Variants in SYT9 observed in about 807,000 individuals in gnomAD.
SYT9 encodes synaptotagmin-9.
SYT9 carries 22 observed loss-of-function variants against 48.4 expected under a neutral mutation model. The observed-to-expected ratio is 0.45, with a 90% CI of 0.32 to 0.65. The LOEUF (loss-of-function observed/expected upper bound fraction) is 0.65, where lower values mean the gene tolerates loss of function less well. Among genes scored for constraint, SYT9 ranks in the 30% least tolerant of loss-of-function variants. SYT9 has a pLI of 0.03. For synonymous variants in SYT9, 265 were observed against 245.0 expected (o/e 1.08, Z -0.76); for missense variants, 577 against 622.0 (o/e 0.93, Z 0.77).
At chr11:7,443,172 C>T (rs1263707640) in intron 6 of SYT9, among the ~76,000 whole-genome samples, 1 of 152,136 alleles carries the variant, frequency 6.6e-6, no homozygotes, top group Non-Finnish European at 1.5e-5. Flanking sequence ...CCTGGCCTCC[C>T]CTTTGGAAGT....
chr11:7,340,712 C>G (rs900875586), intron 3 of SYT9, among the ~76,000 whole-genome samples: 1 of 152,176 alleles, frequency 6.6e-6, no homozygotes, highest in Non-Finnish European at 1.5e-5. Flanking sequence ...CTGGAGACAG[C>G]AAGGGTGATG....
intron 3 of SYT9, among the ~76,000 whole-genome samples, chr11:7,328,213 G>A (rs1024943993): frequency 1.3e-4 from 19 of 151,360 alleles, no homozygotes; most frequent in African/African-American, 4.4e-4. Flanking sequence ...AGTATAGCTG[G>A]ATTTTTTTTA....
intron 3 of SYT9, among the ~76,000 whole-genome samples, chr11:7,356,508 G>A (rs962601417): frequency 2.0e-5 from 3 of 152,140 alleles, no homozygotes; most frequent in Non-Finnish European, 4.4e-5. Context: ...GAGCCCTCCA[G>A]GGAGGGAAGA....
At chr11:7,323,989 G>C (rs1326349855) in intron 3 of SYT9, among the ~76,000 whole-genome samples, 1 of 151,744 alleles carries the variant, frequency 6.6e-6, no homozygotes, top group Non-Finnish European at 1.5e-5. Flanking sequence ...TAAAGATTTT[G>C]TGTCATTTTG....
chr11:7,321,224 T>C (rs1849332784), intron 3 of SYT9, among the ~76,000 whole-genome samples: 1 of 152,234 alleles, frequency 6.6e-6, no homozygotes, highest in African/African-American at 2.4e-5. Context: ...CAGCATAGAC[T>C]TTCTTTTAAT....
chr11:7,246,211 T>C (rs1051917129), intron 1 of SYT9, among the ~76,000 whole-genome samples: 2 of 152,202 alleles, frequency 1.3e-5, no homozygotes. Flanking sequence ...TTTGATTCCT[T>C]CTGCCACAGT....
chr11:7,302,656 T>A lies in SYT9; in HGVS notation c.146-383T>A, dbSNP rs75335794. Among the ~76,000 whole-genome samples, 1,019 of 152,342 alleles carry A rather than the reference T, an allele frequency of 6.7e-3. 33 individuals are homozygous for A. In the East Asian group the frequency reaches 0.1, roughly 15 times the overall value. On this transcript the variant is annotated intron_variant, in intron 1 of 6. Transcript: ENST00000318881. The stretch of plus-strand genomic sequence containing the variant: ...CTCTCTGAGATGACAGAATAATTGT[T>A]AAGGACATTTGAAACTGCCCTGCTC...
intron 3 of SYT9, among the ~76,000 whole-genome samples, chr11:7,337,266 T>A (rs1849645816): frequency 2.0e-5 from 3 of 152,144 alleles, no homozygotes; most frequent in East Asian, 1.9e-4. Context: ...TGGATTTTTT[T>A]AGGTATAGGT....
At chr11:7,328,982 C>T (rs1005555254) in intron 3 of SYT9, among the ~76,000 whole-genome samples, 5 of 152,024 alleles carry the variant, frequency 3.3e-5, no homozygotes, top group South Asian at 4.1e-4. Flanking sequence ...TGCCATACTT[C>T]GAGACTTCTC....
At chr11:7,269,844 A>T (rs1031405670) in intron 1 of SYT9, among the ~76,000 whole-genome samples, 1 of 152,160 alleles carries the variant, frequency 6.6e-6, no homozygotes, top group African/African-American at 2.4e-5. Context: ...GGAAAAACAG[A>T]TATGGGGTGG....
intron 5 of SYT9, among the ~76,000 whole-genome samples, chr11:7,419,288 C>T (rs1847306158): frequency 6.6e-6 from 1 of 152,184 alleles, no homozygotes; most frequent in Non-Finnish European, 1.5e-5. Context: ...TCAGTAAACT[C>T]ATGAATCTGG....
chr11:7,428,007 A>G (rs1847497157), intron 6 of SYT9: 1 of 152,284 alleles, frequency 6.6e-6, no homozygotes, highest in Middle Eastern at 3.4e-3. Context: ...GGCCATTCAG[A>G]CCTTCCCAAG....
intron 3 of SYT9, among the ~76,000 whole-genome samples, chr11:7,335,067 A>T (rs2133982976): frequency 6.6e-6 from 1 of 152,288 alleles, no homozygotes; most frequent in East Asian, 1.9e-4. Context: ...TACCAAAATG[A>T]TTGTATCATT....
upstream of SYT9, among the ~76,000 whole-genome samples, chr11:7,251,610 C>T (rs1306269563): frequency 1.3e-5 from 2 of 152,200 alleles, no homozygotes; most frequent in Non-Finnish European, 2.9e-5. Context: ...ACTAGGCATC[C>T]AAGAACGTGC....
chr11:7,448,292 C>A (rs1847973938), intron 6 of SYT9, among the ~76,000 whole-genome samples: 1 of 152,230 alleles, frequency 6.6e-6, no homozygotes, highest in South Asian at 2.1e-4. Context: ...CTGAATGCAG[C>A]CTTTACAGTG....
chr11:7,337,007 C>A (rs1453915419), intron 3 of SYT9, among the ~76,000 whole-genome samples: 3 of 152,102 alleles, frequency 2.0e-5, no homozygotes, highest in Non-Finnish European at 4.4e-5. Flanking sequence ...TTGTTTGTGT[C>A]ATCTCTGATT....
At chr11:7,449,405 A>G (rs2134145993) in intron 6 of SYT9, among the ~76,000 whole-genome samples, 1 of 151,972 alleles carries the variant, frequency 6.6e-6, no homozygotes, top group African/African-American at 2.4e-5. Flanking sequence ...GATGCATGGA[A>G]TGTGAGGGAC....
intron 6 of SYT9, 77 bp from the exon 7 acceptor site, chr11:7,466,714 CT>C: frequency 7.6e-7 from 1 of 1,322,210 alleles, no homozygotes; most frequent in South Asian, 1.3e-5. Context: ...GAGCAAGACT[CT>C]GTCTCAAAAA....
At chr11:7,442,590 T>C (rs919566849) in intron 6 of SYT9, among the ~76,000 whole-genome samples, 1 of 152,166 alleles carries the variant, frequency 6.6e-6, no homozygotes, top group Admixed American at 6.5e-5. Flanking sequence ...CCCACTCAAA[T>C]TGGTCCCCCT....
Sources: allele counts gnomAD v4.1 joint callset (sites outside exome capture counted in the v4.1 genomes callset), GRCh38; gene constraint gnomAD v4.1.1; transcripts MANE v1.5; gene names NCBI Gene and HGNC (gene_info 2026-07-23, HGNC 2026-07-21).